FRMD3: variants seen among roughly 807,000 people sequenced by gnomAD.
FRMD3 encodes FERM domain-containing protein 3.
A neutral mutation model predicts 70.2 loss-of-function variants in FRMD3; 33 were observed. The observed-to-expected ratio is 0.47, with a 90% CI of 0.36 to 0.63. FRMD3 has a LOEUF of 0.63. FRMD3 is among the 20% of genes least tolerant of loss of function. The pLI is 0.00. For synonymous variants in FRMD3, 279 were observed against 255.9 expected, an observed-to-expected ratio of 1.09 and a Z score of -0.86; for missense variants, 632 against 711.4, an observed-to-expected ratio of 0.89 and a Z score of 1.27.
intron 3 of FRMD3, among the ~76,000 whole-genome samples, chr9:83,363,714 C>G (rs1048538830): frequency 6.6e-6 from 1 of 152,046 alleles, no homozygotes; most frequent in South Asian, 2.1e-4. Flanking sequence ...GCCACCTCGC[C>G]CGGCTAATTT....
chr9:83,246,331 T>A lies in FRMD3; in HGVS notation c.*1587A>T, dbSNP rs1233832853. 6 of 984,156 alleles carry A rather than the reference T, an allele frequency of 6.1e-6. No individual in the cohort carries two copies. The highest frequency in any genetic ancestry group is 6.1e-5 in the Admixed American group (1 of 16,268). The allele number at this position is 984,156 out of a possible 1,614,324, so 61.0% of individuals were successfully genotyped here. On this transcript the variant is annotated 3_prime_UTR_variant, in exon 14 of 14. Transcript: ENST00000304195. ...CATAACACAGTATCAGCAGGTAGTC[T>A]GCATGGGAAGGCATCAGTACGTTGC...
At chr9:83,474,237 A>G (rs1219590210) in intron 1 of FRMD3, among the ~76,000 whole-genome samples, 11 of 152,204 alleles carry the variant, frequency 7.2e-5, no homozygotes, top group Non-Finnish European at 1.0e-4. Context: ...CATGGCCTTC[A>G]CTTCCTTTGT....
At chr9:83,384,995 T>G (rs540061033) in intron 2 of FRMD3, among the ~76,000 whole-genome samples, 1 of 152,086 alleles carries the variant, frequency 6.6e-6, no homozygotes, top group Non-Finnish European at 1.5e-5. Flanking sequence ...GAGGGGAGAC[T>G]TCCTTAGCTG....
chr9:83,436,734 T>C (rs1243469476), intron 1 of FRMD3, among the ~76,000 whole-genome samples: 2 of 146,232 alleles, frequency 1.4e-5, no homozygotes, highest in African/African-American at 2.5e-5. Flanking sequence ...CATTTAAAGA[T>C]ATACATTTTT....
chr9:83,411,849 C>A (rs548292900), intron 1 of FRMD3, among the ~76,000 whole-genome samples: 2 of 152,322 alleles, frequency 1.3e-5, no homozygotes, highest in African/African-American at 4.8e-5. Flanking sequence ...CCAAACTATC[C>A]ATTCACAGTT....
intron 1 of FRMD3, among the ~76,000 whole-genome samples, chr9:83,410,376 C>T (rs1826245212): frequency 6.6e-6 from 1 of 152,156 alleles, no homozygotes; most frequent in South Asian, 2.1e-4. Flanking sequence ...GTTTACCTGC[C>T]ACTTATACAT....
At chr9:83,388,306 G>C (rs1000103296) in intron 2 of FRMD3, among the ~76,000 whole-genome samples, 5 of 152,140 alleles carry the variant, frequency 3.3e-5, no homozygotes, top group South Asian at 2.1e-4. Flanking sequence ...AGTGAGGTGT[G>C]GGGGTGGAAA....
chr9:83,335,463 T>G, intron 6 of FRMD3, 53 bp downstream of exon 6: 1 of 1,501,072 alleles, frequency 6.7e-7, no homozygotes, highest in Non-Finnish European at 9.2e-7. Flanking sequence ...TTCCCTGCAG[T>G]AAGAATATTT....
intron 13 of FRMD3, among the ~76,000 whole-genome samples, chr9:83,285,986 G>C (rs1834192310): frequency 6.6e-6 from 1 of 152,142 alleles, no homozygotes; most frequent in Non-Finnish European, 1.5e-5. Flanking sequence ...CCTAGGAACT[G>C]ATTTTGTTTT....
intron 2 of FRMD3, among the ~76,000 whole-genome samples, chr9:83,376,056 A>C (rs62560269): frequency 0.27 from 40,474 of 151,338 alleles, 6,260 homozygotes; most frequent in Non-Finnish European, 0.34. Context: ...GCTTCTCGGG[A>C]GGCTGAGACA....
At position 83,538,121 on chromosome 9, in the gene FRMD3, C is replaced by G. The variant is rs753728679; in HGVS notation, c.111G>C (p.Arg37=). 4 of 1,613,450 alleles carry G rather than the reference C, an allele frequency of 2.5e-6. No individual in the cohort carries two copies. The highest frequency in any genetic ancestry group is 1.1e-5 in the South Asian group (1 of 91,042). ...AGGAGATCTCCGAGTCGTCCAGCAG[C>G]CGGATGGTGCATCTCATCTCCTGGC... is the stretch of plus-strand genomic sequence containing the variant. ...SLSQEMRCTI[R]LLDDSEISCH... The change falls in exon 1 of 14, where the codon CGG becomes CGC. Residue 37 remains arginine, a synonymous_variant. Transcript: ENST00000304195. The surrounding 1 kb of genome is among the most constrained non-coding windows in gnomAD (Gnocchi z 4.7).
At chr9:83,501,777 A>T (rs1042247121) in intron 1 of FRMD3, among the ~76,000 whole-genome samples, 49 of 152,216 alleles carry the variant, frequency 3.2e-4, no homozygotes, top group African/African-American at 1.1e-3. Context: ...TATTGCTAGC[A>T]GGGCTTCATT....
chr9:83,297,839 T>C, intron 12 of FRMD3: 2 of 471,692 alleles, frequency 4.2e-6, no homozygotes, highest in South Asian at 3.1e-5. Context: ...TCATGCCAAC[T>C]GCACTTCTGC....
At chr9:83,556,363 C>G in the FRMD3 span, among the ~76,000 whole-genome samples, 1 of 152,210 alleles carries the variant, frequency 6.6e-6, no homozygotes, top group Admixed American at 6.5e-5. Context: ...AAGCTCTTGA[C>G]AATAGCCATA....
intron 13 of FRMD3, among the ~76,000 whole-genome samples, chr9:83,275,649 G>A (rs945289835): frequency 2.6e-5 from 4 of 152,182 alleles, no homozygotes; most frequent in African/African-American, 7.2e-5. Context: ...CATAGATTGT[G>A]CAGTAAGATA....
intron 1 of FRMD3, among the ~76,000 whole-genome samples, chr9:83,448,957 T>C (rs991584018): frequency 6.6e-6 from 1 of 152,134 alleles, no homozygotes; most frequent in Non-Finnish European, 1.5e-5. Flanking sequence ...CTCTGTGATG[T>C]AGCAAAATGG....
intron 2 of FRMD3, among the ~76,000 whole-genome samples, chr9:83,386,479 C>T (rs1825514048): frequency 6.6e-6 from 1 of 152,066 alleles, no homozygotes; most frequent in African/African-American, 2.4e-5. Context: ...ATATAAAGAA[C>T]AATAAACAAC....
At chr9:83,244,155 G>T (rs556962072), downstream of FRMD3, among the ~76,000 whole-genome samples, 1 of 148,928 alleles carries the variant, frequency 6.7e-6, no homozygotes, top group African/African-American at 2.4e-5. Context: ...AAGTGGAATC[G>T]TGAGATTCCT....
chr9:83,538,110 T>C lies in FRMD3; in HGVS notation c.122A>G (p.Asp41Gly). The stretch of plus-strand genomic sequence containing the variant: ...CTGGATGTGGCAGGAGATCTCCGAG[T>C]CGTCCAGCAGCCGGATGGTGCATCT... ...EMRCTIRLLD[D>G]SEISCHIQRE... is the part of the protein sequence containing the mutation. Residue 41 changes from aspartate (D) to glycine (G), a missense_variant, in exon 1 of 14, where the codon GAC (aspartate) becomes GGC (glycine). Asp to Gly is a moderately conservative substitution (Grantham distance 94). Transcript: ENST00000304195. The surrounding 1 kb of genome is among the most constrained non-coding windows in gnomAD (Gnocchi z 4.7). 1 of 1,612,984 alleles carries C rather than the reference T, an allele frequency of 6.2e-7. No homozygotes were observed. The highest frequency in any genetic ancestry group is 8.5e-7 in the Non-Finnish European group (1 of 1,179,546).
Sources: allele counts gnomAD v4.1 joint callset (sites outside exome capture counted in the v4.1 genomes callset), GRCh38; gene constraint gnomAD v4.1.1; non-coding constraint Gnocchi (gnomAD v3.1); transcripts MANE v1.5; gene names NCBI Gene and HGNC (gene_info 2026-07-23, HGNC 2026-07-21).